Variants in MEGF11 observed in about 807,000 individuals in gnomAD.
The protein encoded by MEGF11 is multiple epidermal growth factor-like domains protein 11.
Under a neutral mutation model 146.6 loss-of-function variants are expected in MEGF11, and 126 were observed. That is an observed-to-expected ratio of 0.86 (90% confidence interval 0.74 to 1.00). The LOEUF (loss-of-function observed/expected upper bound fraction) is 1.00. Among genes scored for constraint, MEGF11 ranks in the 50% least tolerant of loss-of-function variants. The pLI is 0.00. For synonymous variants in MEGF11, 532 were observed against 583.4 expected (o/e 0.91, Z 1.27); for missense variants, 1,509 against 1,521.2 (o/e 0.99, Z 0.13).
chr15:65,905,131 G>A (rs2078588154), intron 24 of MEGF11: 1 of 152,276 alleles, frequency 6.6e-6, no homozygotes, highest in South Asian at 2.1e-4. Flanking sequence ...GACCTTAAGT[G>A]ATCCACCTGC....
At position 65,936,584 on chromosome 15, in the gene MEGF11, T is replaced by A. The variant is rs571714039; in HGVS notation, c.1288-5641A>T. ...CAGGCTCCAAGGGCACAGAAGAGAC[T>A]GGGACCCAGTCTCTGGCCTTGGGCA... On this transcript the variant is annotated intron_variant, in intron 10 of 25. Coordinates refer to ENST00000395614, the MANE Select transcript of MEGF11 (RefSeq NM_001385028.1). Among the ~76,000 whole-genome samples the A allele has an allele frequency of 4.6e-5, 7 of 152,258 alleles. No individual in the cohort carries two copies. In the South Asian group the frequency reaches 1.2e-3, roughly 27 times the overall value.
At chr15:66,090,842 C>G (rs958114151) in intron 5 of MEGF11, among the ~76,000 whole-genome samples, 3 of 152,122 alleles carry the variant, frequency 2.0e-5, no homozygotes, top group African/African-American at 7.2e-5. Flanking sequence ...ATTTAAACAG[C>G]AAGTTATAGA....
At chr15:66,085,632 AC>A (rs757687815) in intron 5 of MEGF11, among the ~76,000 whole-genome samples, 7 of 152,256 alleles carry the variant, frequency 4.6e-5, no homozygotes. Context: ...GGGGGAGAGT[AC>A]TACATCAAGG....
At chr15:66,038,722 G>T (rs1015956819) in intron 5 of MEGF11, among the ~76,000 whole-genome samples, 2 of 152,084 alleles carry the variant, frequency 1.3e-5, no homozygotes, top group Admixed American at 1.3e-4. Context: ...GCTGAACCCC[G>T]GTTCTGCCTC....
intron 1 of MEGF11, among the ~76,000 whole-genome samples, chr15:66,190,620 GCCTGA>G (rs1182842544): frequency 6.6e-6 from 1 of 152,108 alleles, no homozygotes; most frequent in Non-Finnish European, 1.5e-5. Context: ...CCCTCAAAAT[GCCTGA>G]CCTGTCTGAG....
intron 5 of MEGF11, chr15:66,040,130 A>G: frequency 6.4e-6 from 1 of 155,170 alleles, no homozygotes; most frequent in Middle Eastern, 5.2e-4. Flanking sequence ...ACGTGGTATC[A>G]GAGGGCTTAC....
At chr15:66,141,276 G>T (rs1457801366) in intron 1 of MEGF11, among the ~76,000 whole-genome samples, 1 of 134,390 alleles carries the variant, frequency 7.4e-6, no homozygotes, top group Non-Finnish European at 1.6e-5. Flanking sequence ...GTGTGTGTGT[G>T]TGTGTGTGTG....
At chr15:66,085,712 T>C (rs1364625936) in intron 5 of MEGF11, among the ~76,000 whole-genome samples, 2 of 152,162 alleles carry the variant, frequency 1.3e-5, no homozygotes, top group Non-Finnish European at 2.9e-5. Flanking sequence ...TGACAGAGCC[T>C]ACCCAAATGA....
chr15:66,093,839 G>A (rs1490305308), intron 5 of MEGF11, among the ~76,000 whole-genome samples: 1 of 152,098 alleles, frequency 6.6e-6, no homozygotes, highest in African/African-American at 2.4e-5. Context: ...CTCACCCCAG[G>A]CTCAGTAGGA....
chr15:66,001,201 C>A (rs2082355524), intron 5 of MEGF11, among the ~76,000 whole-genome samples: 1 of 152,094 alleles, frequency 6.6e-6, no homozygotes, highest in African/African-American at 2.4e-5. Context: ...TCAGATGCTG[C>A]TGGGAAGGCT....
chr15:66,161,592 C>T (rs2141077626), intron 1 of MEGF11, among the ~76,000 whole-genome samples: 1 of 152,168 alleles, frequency 6.6e-6, no homozygotes, highest in South Asian at 2.1e-4. Flanking sequence ...AGGGTTTCAC[C>T]ATGTTGTCCA....
chr15:65,909,854 C>A, intron 21 of MEGF11, 48 bp from the exon 22 acceptor site: 1 of 1,485,844 alleles, frequency 6.7e-7, no homozygotes, highest in Admixed American at 2.0e-5. Context: ...CCCCAGGTAC[C>A]CCTCCCCAGT....
chr15:66,134,926 G>A (rs896612767), intron 1 of MEGF11, among the ~76,000 whole-genome samples: 2 of 152,246 alleles, frequency 1.3e-5, no homozygotes, highest in Admixed American at 6.5e-5. Context: ...AAAGACACAC[G>A]AAAACTTGGT....
chr15:66,184,238 AC>A (rs1354287353), intron 1 of MEGF11, among the ~76,000 whole-genome samples: 1 of 152,172 alleles, frequency 6.6e-6, no homozygotes, highest in Non-Finnish European at 1.5e-5. Flanking sequence ...TTATACCTCC[AC>A]AAAACTGAAA....
At chr15:66,174,591 G>A (rs558703062) in intron 1 of MEGF11, among the ~76,000 whole-genome samples, 2 of 151,762 alleles carry the variant, frequency 1.3e-5, no homozygotes, top group African/African-American at 4.8e-5. Context: ...AGAAGCAGTG[G>A]CCTTTAATCC....
intron 5 of MEGF11, among the ~76,000 whole-genome samples, chr15:66,088,404 C>T (rs915159901): frequency 2.6e-5 from 4 of 152,226 alleles, no homozygotes; most frequent in Non-Finnish European, 5.9e-5. Flanking sequence ...CGCCTGTAAT[C>T]CCAGCACTTT....
intron 1 of MEGF11, among the ~76,000 whole-genome samples, chr15:66,190,409 G>A (rs1472832279): frequency 1.3e-5 from 2 of 152,142 alleles, no homozygotes; most frequent in Non-Finnish European, 2.9e-5. Flanking sequence ...CCAGGTCCAA[G>A]GAAAGATGTA....
At chr15:66,055,271 G>T (rs1426792912) in intron 5 of MEGF11, among the ~76,000 whole-genome samples, 1 of 152,210 alleles carries the variant, frequency 6.6e-6, no homozygotes, top group Non-Finnish European at 1.5e-5. Context: ...TGGCACTAAG[G>T]ATTCAGTAAA....
At chr15:66,152,943 G>A (rs1303546073) in intron 1 of MEGF11, among the ~76,000 whole-genome samples, 4 of 152,198 alleles carry the variant, frequency 2.6e-5, no homozygotes, top group Non-Finnish European at 4.4e-5. Context: ...GGCCTTGTGT[G>A]TACTGCCATG....
Sources: gnomAD v4.1 joint callset for allele counts (sites outside exome capture counted in the v4.1 genomes callset) on GRCh38, gnomAD v4.1.1 for gene constraint, MANE v1.5 for transcripts, NCBI Gene and HGNC (gene_info 2026-07-23, HGNC 2026-07-21) for gene names.